Variants in KMT2E observed in about 807,000 individuals in gnomAD.
KMT2E encodes lysine methyltransferase 2E (inactive), also known as histone reader KMT2E.
In KMT2E, 30 loss-of-function variants were observed where a neutral mutation model predicts 184.6. That is an observed-to-expected ratio of 0.16 (90% CI 0.12 to 0.22). KMT2E has a LOEUF of 0.22. Ranked by LOEUF, KMT2E falls within the 10% of genes least tolerant of loss-of-function variation. The pLI is 1.00. For synonymous variants in KMT2E, 815 were observed against 776.5 expected, an observed-to-expected ratio of 1.05 and a Z score of -0.82; for missense variants, 2,023 against 2,237.4, an observed-to-expected ratio of 0.90 and a Z score of 1.93.
At chr7:105,078,260 C>T (rs1261426478) in intron 11 of KMT2E, among the ~76,000 whole-genome samples, 1 of 152,118 alleles carries the variant, frequency 6.6e-6, no homozygotes, top group Non-Finnish European at 1.5e-5. Context: ...CTCTTTTTAT[C>T]TTTCTTTGTA....
At chr7:105,066,227 T>A (rs117113904) in intron 5 of KMT2E, among the ~76,000 whole-genome samples, 436 of 152,282 alleles carry the variant, frequency 2.9e-3, no homozygotes, top group Middle Eastern at 0.01. Context: ...CTGACTGTAC[T>A]TCATTAATCC....
chr7:105,076,933 C>T (rs1420792182), intron 9 of KMT2E, 30 bp from the exon 10 acceptor site: 1 of 1,284,698 alleles, frequency 7.8e-7, no homozygotes, highest in African/African-American at 1.5e-5. Context: ...TCCGTAAGTC[C>T]AGATACTAAA....
chr7:105,027,281 G>C (rs924600538), intron 1 of KMT2E, among the ~76,000 whole-genome samples: 2 of 151,556 alleles, frequency 1.3e-5, no homozygotes, highest in African/African-American at 4.8e-5. Context: ...TAGAGATAGG[G>C]TCTCACTAAA....
chr7:105,090,194 G>T lies in KMT2E; in HGVS notation c.1544G>T (p.Gly515Val). 2.5e-6 allele frequency: 4 copies of T among 1,610,940 alleles called. No homozygotes were observed. The highest frequency in any genetic ancestry group is 3.4e-6 in the Non-Finnish European group (4 of 1,179,356). ...CAGAATATTACTTTGGATTGTGAAG[G>T]AACGACCAACAAAATGAAGAGCCCA... ...QNQNITLDCE[G>V]TTNKMKSPET... The change falls in exon 14 of 27, where the codon GGA (glycine) becomes GTA (valine). Residue 515 changes from glycine to valine, a missense_variant. This residue lies in a region of KMT2E where 514 missense variants were observed against 621.8 expected (regional missense o/e 0.83). Coordinates refer to ENST00000311117, the MANE Select transcript of KMT2E (RefSeq NM_182931.3).
intron 13 of KMT2E, among the ~76,000 whole-genome samples, chr7:105,082,357 T>A (rs533396058): frequency 2.0e-5 from 3 of 152,128 alleles, no homozygotes; most frequent in Non-Finnish European, 4.4e-5. Flanking sequence ...GCGTATACAT[T>A]TTGACTCCCC....
Position 105,108,977 on chromosome 7 carries a change from A to G in KMT2E, c.3504A>G (p.Glu1168=), listed in dbSNP as rs1408724105. 5 of 1,613,074 alleles carry G rather than the reference A, an allele frequency of 3.1e-6. No individual in the cohort carries two copies. Among genetic ancestry groups the G allele is most frequent in the Non-Finnish European group, 4.2e-6 (5 of 1,179,186 alleles). ...SLLEYRKRQR[E]ARKSGSKTEN... ...TAGAATACCGTAAGAGACAACGTGA[A>G]GCTAGGAAAAGTGGCTCTAAGACAG... is the stretch of plus-strand genomic sequence containing the variant. Residue 1168 remains glutamate (E), a synonymous_variant, in exon 23 of 27, where the codon GAA becomes GAG. Coordinates refer to ENST00000311117, the MANE Select transcript of KMT2E (RefSeq NM_182931.3).
chr7:105,087,283 TG>T (rs1345562964), intron 13 of KMT2E, among the ~76,000 whole-genome samples: 1 of 109,118 alleles, frequency 9.2e-6, no homozygotes, highest in Non-Finnish European at 1.7e-5. Context: ...TATATAAATA[TG>T]ATATAATATA....
At chr7:105,027,411 A>G (rs1310371880) in intron 1 of KMT2E, among the ~76,000 whole-genome samples, 1 of 152,182 alleles carries the variant, frequency 6.6e-6, no homozygotes, top group Non-Finnish European at 1.5e-5. Flanking sequence ...GGTCCCTTAT[A>G]GGACTCATTG....
intron 6 of KMT2E, among the ~76,000 whole-genome samples, chr7:105,072,084 C>G (rs1394941786): frequency 1.3e-5 from 2 of 151,554 alleles, no homozygotes; most frequent in African/African-American, 4.8e-5. Flanking sequence ...GAGGCCCAGG[C>G]GGGTGGATCA....
intron 1 of KMT2E, among the ~76,000 whole-genome samples, chr7:105,018,315 T>C (rs2129563815): frequency 6.6e-6 from 1 of 152,338 alleles, no homozygotes; most frequent in South Asian, 2.1e-4. Context: ...TAGGAAATAC[T>C]AGTATGCAGT....
rs1443367525 is a variant in KMT2E at position 105,102,135 on chromosome 7, A to G, written c.2137A>G (p.Thr713Ala). Residue 713 changes from threonine to alanine, a missense_variant, in exon 17 of 27, where the codon ACT (threonine) becomes GCT (alanine). Physicochemically the swap from Thr to Ala is moderately conservative, Grantham distance 58. This residue lies in a region of KMT2E where 514 missense variants were observed against 621.8 expected (regional missense o/e 0.83). Coordinates refer to ENST00000311117, the MANE Select transcript of KMT2E (RefSeq NM_182931.3). ...TGAAACTGCACTAGCAGAAATAATT[A>G]CTGAAACTGAAGTTCCAGCACTTAA... ...ETETALAEIITETEVPALNKC... is the reference protein window; with the variant it reads ...ETETALAEIIAETEVPALNKC... 1.2e-6 allele frequency: 2 copies of G among 1,612,430 alleles called. No homozygotes were observed.
At chr7:105,052,980 A>G (rs1034999105) in intron 3 of KMT2E, among the ~76,000 whole-genome samples, 2 of 152,204 alleles carry the variant, frequency 1.3e-5, no homozygotes, top group Admixed American at 6.5e-5. Context: ...TTAAGAAGAG[A>G]TAGAACTACA....
chr7:105,112,787 A>ACCC lies in KMT2E; in HGVS notation c.5034_5036dup (p.Pro1684dup). 24 of 1,462,794 alleles carry ACCC rather than the reference A, an allele frequency of 1.6e-5. No individual in the cohort carries two copies. Among genetic ancestry groups the ACCC allele is most frequent in the East Asian group, 2.7e-5 (1 of 37,140 alleles). The allele number at this position is 1,462,794 out of a possible 1,614,324, so 90.6% of individuals were successfully genotyped here. On this transcript the variant is annotated inframe_insertion, in exon 27 of 27. Transcript: ENST00000311117. ...ATTCTCAAACTGCTGGACACCACTT[A>ACCC]CCCCCACCCCCACCCCCTCCTGGTC... is the stretch of plus-strand genomic sequence containing the variant.
rs368921860 is a variant in KMT2E at position 105,111,944 on chromosome 7, A to C, written c.4188A>C (p.Lys1396Asn). 6 of 1,614,106 alleles carry C rather than the reference A, an allele frequency of 3.7e-6. No homozygotes were observed. In the African/African-American group the frequency reaches 6.7e-5, roughly 18 times the overall value. ...ASEAENGVHL[K>N]TELQQKQLSN... ...AAGCTGAAAATGGTGTTCACCTAAA[A>C]ACAGAGCTCCAACAAAAACAGCTAT... Residue 1396 changes from lysine to asparagine, a missense_variant, in exon 27 of 27, where the codon AAA becomes AAC. Coordinates refer to ENST00000311117, the MANE Select transcript of KMT2E (RefSeq NM_182931.3).
At chr7:105,081,902 C>A (rs2129568399) in intron 13 of KMT2E, 105 bp downstream of exon 13, 1 of 569,312 alleles carries the variant, frequency 1.8e-6, no homozygotes, top group South Asian at 2.7e-5. Context: ...TTATTTTTAT[C>A]TATCATGAAT....
At chr7:105,027,717 C>T (rs1031292368) in intron 1 of KMT2E, among the ~76,000 whole-genome samples, 2 of 152,172 alleles carry the variant, frequency 1.3e-5, no homozygotes, top group Admixed American at 6.5e-5. Flanking sequence ...GAGGAGGAAG[C>T]TGATCTTGGG....
Position 105,112,433 on chromosome 7 carries a change from C to T in KMT2E, c.4677C>T (p.Asn1559=). Residue 1559 remains asparagine, a synonymous_variant, in exon 27 of 27, where the codon AAC becomes AAT. Transcript: ENST00000311117. ...CTCCTTCTTCGTCTTACTATCAAAA[C>T]CAGCAGCCCTCTGCAAACTTTCAGA... ...PPPPSSSYYQ[N]QQPSANFQNY... 1 of 1,613,476 alleles carries T rather than the reference C, an allele frequency of 6.2e-7. No homozygotes were observed. Among genetic ancestry groups the T allele is most frequent in the Non-Finnish European group, 8.5e-7 (1 of 1,179,880 alleles).
intron 1 of KMT2E, among the ~76,000 whole-genome samples, chr7:105,035,894 C>T (rs1010765647): frequency 6.6e-6 from 1 of 152,130 alleles, no homozygotes; most frequent in African/African-American, 2.4e-5. Flanking sequence ...ACTGTATTTG[C>T]CCACGTTTGT....
intron 19 of KMT2E, 94 bp from the exon 20 acceptor site, chr7:105,106,428 T>G: frequency 8.4e-7 from 1 of 1,186,554 alleles, no homozygotes; most frequent in Non-Finnish European, 1.2e-6. Context: ...ATAACTGCCA[T>G]TGTTTATATT....
Sources: gnomAD v4.1 joint callset for allele counts (sites outside exome capture counted in the v4.1 genomes callset) on GRCh38, gnomAD v4.1.1 for gene constraint, gnomAD v4.1.1 regional missense constraint, MANE v1.5 for transcripts, NCBI Gene and HGNC (gene_info 2026-07-23, HGNC 2026-07-21) for gene names.